The following NDUFA12 variants were observed in gnomAD, a reference collection of about 807,000 sequenced individuals.
NDUFA12 encodes the protein NADH dehydrogenase [ubiquinone] 1 alpha subcomplex subunit 12.
In NDUFA12, 17 loss-of-function variants were observed where a neutral mutation model predicts 20.3. The ratio of observed to expected loss-of-function variants is 0.84; its 90% CI spans 0.57 to 1.26. The LOEUF is 1.26. NDUFA12 is among the 50% of genes most tolerant of loss of function. NDUFA12 has a pLI of 0.00. For synonymous variants in NDUFA12, 72 were observed against 63.6 expected (o/e 1.13, Z -0.63); for missense variants, 191 against 183.7 (o/e 1.04, Z -0.23).
chr12:94,981,014 T>G (rs1472444997), intron 3 of NDUFA12, among the ~76,000 whole-genome samples: 2 of 152,058 alleles, frequency 1.3e-5, no homozygotes, highest in African/African-American at 2.4e-5. Flanking sequence ...AAGACTTCTG[T>G]GTGTTACTGT....
At chr12:94,996,968 TTTC>T (rs1291465534) in intron 2 of NDUFA12, 1 of 399,660 alleles carries the variant, frequency 2.5e-6, no homozygotes, top group South Asian at 2.0e-5. Flanking sequence ...TGGGCCTCAG[TTTC>T]TTCATCTATA....
chr12:94,975,355 C>A (rs1874033472), intron 3 of NDUFA12, among the ~76,000 whole-genome samples: 1 of 151,988 alleles, frequency 6.6e-6, no homozygotes. Context: ...ATTATAGTGG[C>A]AAACAATGAA....
chr12:94,991,228 T>C (rs984278745), intron 3 of NDUFA12, among the ~76,000 whole-genome samples: 29 of 151,840 alleles, frequency 1.9e-4, no homozygotes, highest in African/African-American at 6.5e-4. Flanking sequence ...CGAGACTGAT[T>C]GTGCCATTGC....
chr12:94,977,790 G>A (rs936936724), intron 3 of NDUFA12, among the ~76,000 whole-genome samples: 4 of 152,156 alleles, frequency 2.6e-5, no homozygotes, highest in South Asian at 2.1e-4. Context: ...ATGGTATTTG[G>A]GGAAACATAC....
chr12:95,003,491 G>A (rs1875138298), intron 1 of NDUFA12, 104 bp downstream of exon 1: 2 of 1,227,178 alleles, frequency 1.6e-6, no homozygotes, highest in African/African-American at 1.5e-5. Context: ...TCCTTGACAA[G>A]AGCTGTGGAT....
Position 94,971,601 on chromosome 12 carries a change from T to A in NDUFA12, c.277A>T (p.Met93Leu). Residue 93 changes from methionine to leucine, a missense_variant, in exon 4 of 4, where the codon ATG (methionine) becomes TTG (leucine). Met to Leu is a conservative substitution (Grantham distance 15). Transcript: ENST00000327772. ...PPEWHRWLHS[M>L]TDDPPTTKPL... The stretch of plus-strand genomic sequence containing the variant: ...TTTGTTGTTGGAGGATCATCAGTCA[T>A]ACTGTGAAGCCAACGATGCCTTAAA... The A allele has an allele frequency of 6.2e-7, 1 of 1,614,154 alleles. No individual in the cohort carries two copies. The highest frequency in any genetic ancestry group is 8.5e-7 in the Non-Finnish European group (1 of 1,180,028).
intron 3 of NDUFA12, among the ~76,000 whole-genome samples, 192 bp downstream of exon 3, chr12:94,993,978 T>G (rs948850173): frequency 2.7e-5 from 4 of 150,690 alleles, no homozygotes; most frequent in Admixed American, 1.3e-4. Context: ...ACAAAAATTA[T>G]CCGGGTGAGA....
intron 2 of NDUFA12, chr12:94,997,570 G>A (rs1252330737): frequency 6.6e-6 from 1 of 152,040 alleles, no homozygotes; most frequent in African/African-American, 2.4e-5. Context: ...ATGCACATGG[G>A]AGAAAATTCA....
At chr12:94,981,523 T>C (rs1227475499) in intron 3 of NDUFA12, among the ~76,000 whole-genome samples, 1 of 152,156 alleles carries the variant, frequency 6.6e-6, no homozygotes, top group African/African-American at 2.4e-5. Flanking sequence ...TAAATATAAA[T>C]TCCTGAAGAA....
chr12:94,979,412 T>C (rs1360923739), intron 3 of NDUFA12, among the ~76,000 whole-genome samples: 7 of 152,204 alleles, frequency 4.6e-5, no homozygotes, highest in African/African-American at 1.7e-4. Flanking sequence ...TATATTCTTA[T>C]AATCAGAAAA....
chr12:94,983,702 TCA>T (rs1332818139), intron 3 of NDUFA12, among the ~76,000 whole-genome samples: 17 of 152,234 alleles, frequency 1.1e-4, no homozygotes, highest in Admixed American at 7.8e-4. Flanking sequence ...ATCCCAAATC[TCA>T]CAACCTGCAT....
At chr12:94,982,325 G>A (rs956687111) in intron 3 of NDUFA12, among the ~76,000 whole-genome samples, 6 of 150,402 alleles carry the variant, frequency 4.0e-5, no homozygotes, top group South Asian at 2.1e-4. Context: ...CCAGGCTGGA[G>A]TGCAGTGGTG....
chr12:94,985,007 A>AATAAAATAAC (rs1555200545), intron 3 of NDUFA12, among the ~76,000 whole-genome samples: 2 of 147,258 alleles, frequency 1.4e-5, no homozygotes, highest in African/African-American at 2.5e-5. Flanking sequence ...CATAACATAA[A>AATAAAATAAC]ATAAGATAAA....
At chr12:94,996,320 T>C (rs1443010206) in intron 2 of NDUFA12, among the ~76,000 whole-genome samples, 1 of 74,918 alleles carries the variant, frequency 1.3e-5, no homozygotes, top group African/African-American at 6.7e-5. Context: ...CATACATATA[T>C]AGGTACACAC....
intron 2 of NDUFA12, among the ~76,000 whole-genome samples, chr12:95,002,437 CAAA>C (rs71075895): frequency 0.47 from 29,818 of 63,000 alleles, 5,906 homozygotes; most frequent in East Asian, 0.57. Context: ...GACTCCATCT[CAAA>C]AAAAAAAAAA....
At chr12:94,990,316 G>A (rs568548160) in intron 3 of NDUFA12, among the ~76,000 whole-genome samples, 11 of 151,546 alleles carry the variant, frequency 7.3e-5, no homozygotes, top group African/African-American at 1.9e-4. Flanking sequence ...AGACCTTAAC[G>A]GAACCACAGG....
chr12:94,971,864 C>T (rs1763187672), intron 3 of NDUFA12: 3 of 681,732 alleles, frequency 4.4e-6, no homozygotes, highest in Non-Finnish European at 2.7e-6. Flanking sequence ...TTGTGTGTGG[C>T]AGATACGCAA....
chr12:94,983,968 C>T (rs372021066), intron 3 of NDUFA12, among the ~76,000 whole-genome samples: 49 of 152,018 alleles, frequency 3.2e-4, no homozygotes, highest in African/African-American at 1.1e-3. Flanking sequence ...GGAGAAGAGC[C>T]TGTCCACACA....
At chr12:95,001,730 G>A (rs1331798954) in intron 2 of NDUFA12, among the ~76,000 whole-genome samples, 1 of 152,134 alleles carries the variant, frequency 6.6e-6, no homozygotes, top group Non-Finnish European at 1.5e-5. Flanking sequence ...TTTGAGATAA[G>A]AGTCTCGCTC....
Sources: gnomAD v4.1 joint callset for allele counts (sites outside exome capture counted in the v4.1 genomes callset) on GRCh38, gnomAD v4.1.1 for gene constraint, MANE v1.5 for transcripts, NCBI Gene and HGNC (gene_info 2026-07-23, HGNC 2026-07-21) for gene names.